Variants in DGKE observed in about 807,000 individuals in gnomAD.
DGKE encodes DAG kinase epsilon.
A neutral mutation model predicts 70.0 loss-of-function variants in DGKE; 53 were observed. The ratio of observed to expected loss-of-function variants is 0.76; its 90% CI spans 0.61 to 0.95. The LOEUF is 0.95. Among genes scored for constraint, DGKE ranks in the 40% least tolerant of loss-of-function variants. The pLI is 0.00. For missense variants in DGKE, 655 were observed against 706.9 expected, an observed-to-expected ratio of 0.93 and a Z score of 0.83; for synonymous variants, 291 against 257.0, an observed-to-expected ratio of 1.13 and a Z score of -1.27.
At chr17:56,855,878 C>T (rs1302126569) in intron 7 of DGKE, among the ~76,000 whole-genome samples, 2 of 151,618 alleles carry the variant, frequency 1.3e-5, no homozygotes, top group East Asian at 1.9e-4. Context: ...TGGTGGCGGG[C>T]GCCTGTAATC....
intron 2 of DGKE, among the ~76,000 whole-genome samples, chr17:56,839,206 T>G (rs1906814046): frequency 6.6e-6 from 1 of 152,166 alleles, no homozygotes; most frequent in South Asian, 2.1e-4. Flanking sequence ...GGAAAGAGAA[T>G]ATTGTGGGAG....
In DGKE at chr17:56,841,251, C is replaced by CAAA. The variant is rs10676152; in HGVS notation, c.465-2755_465-2753dup. Among the ~76,000 whole-genome samples the CAAA allele has an allele frequency of 6.8e-3, 916 of 134,992 alleles. 8 individuals are homozygous for CAAA. The highest frequency in any genetic ancestry group is 0.014 in the East Asian group (64 of 4,678). The allele number at this position is 134,992 out of a possible 152,430, so 88.6% of individuals were successfully genotyped here. ...TAGGCGACAGAGTGATACTCTGTCT[C>CAAA]AAAAAAAAAAAAAAATTTTTTTTAA... is the stretch of plus-strand genomic sequence containing the variant. On this transcript the variant is annotated intron_variant, in intron 2 of 11. Transcript: ENST00000284061.
intron 7 of DGKE, among the ~76,000 whole-genome samples, chr17:56,852,664 G>C (rs1294345411): frequency 1.3e-5 from 2 of 152,196 alleles, no homozygotes; most frequent in Middle Eastern, 3.4e-3. Flanking sequence ...CCTTTAAAAT[G>C]GTTCCTGTGC....
At chr17:56,837,983 A>G (rs558112249) in intron 2 of DGKE, among the ~76,000 whole-genome samples, 6 of 152,120 alleles carry the variant, frequency 3.9e-5, no homozygotes, top group Non-Finnish European at 8.8e-5. Flanking sequence ...CAACCACTAC[A>G]TCTTCTTTTT....
At position 56,868,757 on chromosome 17, in the gene DGKE, G is replaced by T. The variant is rs1908633326; in HGVS notation, c.*5966G>T. On this transcript the variant is annotated 3_prime_UTR_variant, in exon 12 of 12. Coordinates refer to ENST00000284061, the MANE Select transcript of DGKE (RefSeq NM_003647.3). ...TTAGTGTCCCAAAAAGTGGTTCTTG[G>T]TCTACAGCAGGGCAAACATATATGT... 1 of 152,190 alleles carries T rather than the reference G, an allele frequency of 6.6e-6. No individual in the cohort carries two copies. The highest frequency in any genetic ancestry group is 1.5e-5 in the Non-Finnish European group (1 of 68,048). 9.4% of individuals were successfully genotyped at this position (152,190 alleles called of 1,614,324 possible). A position where few individuals can be genotyped will look rare whatever the true frequency, so the allele number is the denominator to read the frequency against.
chr17:56,845,634 A>C, intron 3 of DGKE, 56 bp from the exon 4 acceptor site: 4 of 1,542,756 alleles, frequency 2.6e-6, no homozygotes, highest in African/African-American at 2.8e-5. Flanking sequence ...GGCATGGAAA[A>C]TGTGCTTTTC....
At position 56,835,065 on chromosome 17, in the gene DGKE, C is replaced by T. The variant is rs751180799; in HGVS notation, c.270C>T (p.Cys90=). The change falls in exon 2 of 12, where the codon TGC becomes TGT. Residue 90 remains cysteine (C), a synonymous_variant. Coordinates refer to ENST00000284061, the MANE Select transcript of DGKE (RefSeq NM_003647.3). ...TGCAGGGCGCCTTCTGCGACTGCTG[C>T]GGGCTCCGCGTGGACGAGGGCTGCC... ...HILQGAFCDC[C]GLRVDEGCLR... 3 of 1,613,230 alleles carry T rather than the reference C, an allele frequency of 1.9e-6. No homozygotes were observed. The South Asian group carries it at 3.3e-5, about 18-fold the overall frequency.
At chr17:56,862,001 C>G in intron 10 of DGKE, 83 bp downstream of exon 10, 5 of 1,538,022 alleles carry the variant, frequency 3.3e-6, no homozygotes, top group Non-Finnish European at 4.4e-6. Context: ...CATTTTTCCT[C>G]AAATTTTCTT....
rs759825918 is a variant in DGKE, at chr17:56,834,962, G to T, written c.167G>T (p.Arg56Leu). ...CAGCTGCACCGCAGGGACATCTTCC[G>T]CAAGAGCAAGCACGGGTGGCGCGAC... Reference protein sequence around the residue: ...RRQLHRRDIFRKSKHGWRDTD... With the variant: ...RRQLHRRDIFLKSKHGWRDTD... Residue 56 changes from arginine (R) to leucine (L), a missense_variant, in exon 2 of 12, where the codon CGC becomes CTC. Transcript: ENST00000284061. 1.9e-6 allele frequency: 3 copies of T among 1,613,020 alleles called. No individual in the cohort carries two copies. Among genetic ancestry groups the T allele is most frequent in the Non-Finnish European group, 2.5e-6 (3 of 1,179,970 alleles).
rs1036372311 is a variant in DGKE at position 56,865,370 on chromosome 17, T to C, written c.*2579T>C. The C allele has an allele frequency of 6.6e-6, 1 of 152,210 alleles. No homozygotes were observed. Among genetic ancestry groups the C allele is most frequent in the African/African-American group, 2.4e-5 (1 of 41,460 alleles). 9.4% of individuals were successfully genotyped at this position (152,210 alleles called of 1,614,324 possible). On this transcript the variant is annotated 3_prime_UTR_variant, in exon 12 of 12. Coordinates refer to ENST00000284061, the MANE Select transcript of DGKE (RefSeq NM_003647.3). Reference sequence around the variant, plus strand: ...TGTTTCCAGATTTCTCTAATCTTTTTACTATCCCAATACATTCCTAATTCC... The same window carrying C: ...TGTTTCCAGATTTCTCTAATCTTTTCACTATCCCAATACATTCCTAATTCC...
intron 7 of DGKE, among the ~76,000 whole-genome samples, chr17:56,854,919 C>T (rs1006603875): frequency 3.9e-5 from 6 of 152,154 alleles, no homozygotes; most frequent in African/African-American, 7.2e-5. Context: ...GGTCTGCTTA[C>T]CTCTATAGAA....
intron 2 of DGKE, among the ~76,000 whole-genome samples, chr17:56,841,475 A>G (rs1567811523): frequency 2.0e-5 from 3 of 152,192 alleles, no homozygotes; most frequent in Non-Finnish European, 4.4e-5. Context: ...AATATGGAAC[A>G]TGACTGAATT....
chr17:56,840,685 A>G (rs190663212), intron 2 of DGKE, among the ~76,000 whole-genome samples: 1 of 152,264 alleles, frequency 6.6e-6, no homozygotes, highest in Admixed American at 6.5e-5. Flanking sequence ...GCCAATACAG[A>G]GGATGGAAAA....
At chr17:56,850,791 A>C (rs1021909102) in intron 7 of DGKE, among the ~76,000 whole-genome samples, 1 of 152,228 alleles carries the variant, frequency 6.6e-6, no homozygotes, top group South Asian at 2.1e-4. Context: ...AAGTGCCTAC[A>C]CTGCAGAAAA....
intron 2 of DGKE, chr17:56,836,437 G>T (rs1906626721): frequency 6.6e-6 from 1 of 152,180 alleles, no homozygotes; most frequent in African/African-American, 2.4e-5. Flanking sequence ...AGCCAAGTTA[G>T]CAGGGACTTT....
In DGKE at chr17:56,849,181, A is replaced by G. The variant is rs1452208838; in HGVS notation, c.1047A>G (p.Arg349=). The change falls in exon 7 of 12, where the codon CGA becomes CGG. Residue 349 remains arginine, a splice_region_variant and synonymous_variant. Coordinates refer to ENST00000284061, the MANE Select transcript of DGKE (RefSeq NM_003647.3). ...VMEADGIKLD[R]WKVQVTNKGY... ...GTTTTTTTTAACTTCTGTTTTTTAGATGGAAAGTTCAAGTAACAAATAAAG... is the reference window on the plus strand; with the variant it reads ...GTTTTTTTTAACTTCTGTTTTTTAGGTGGAAAGTTCAAGTAACAAATAAAG... 9 of 1,609,752 alleles carry G rather than the reference A, an allele frequency of 5.6e-6. No individual in the cohort carries two copies. The highest frequency in any genetic ancestry group is 1.7e-5 in the Admixed American group (1 of 58,952).
intron 2 of DGKE, among the ~76,000 whole-genome samples, chr17:56,843,278 T>G (rs1021572829): frequency 9.2e-5 from 14 of 152,218 alleles, no homozygotes; most frequent in Non-Finnish European, 1.6e-4. Flanking sequence ...TTTATGAAAA[T>G]TTAGTGAGGA....
intron 7 of DGKE, among the ~76,000 whole-genome samples, chr17:56,856,177 G>T (rs987796854): frequency 7.9e-5 from 12 of 152,100 alleles, no homozygotes; most frequent in African/African-American, 2.9e-4. Flanking sequence ...GAAGCTGAGA[G>T]CTTGGAGGCT....
intron 2 of DGKE, among the ~76,000 whole-genome samples, chr17:56,837,834 G>A (rs1300585776): frequency 4.6e-5 from 7 of 152,142 alleles, no homozygotes; most frequent in Non-Finnish European, 1.0e-4. Context: ...TTTAAAGCCT[G>A]CAGAATAAGT....
Sources: gnomAD v4.1 joint callset for allele counts (sites outside exome capture counted in the v4.1 genomes callset) on GRCh38, gnomAD v4.1.1 for gene constraint, MANE v1.5 for transcripts, NCBI Gene and HGNC (gene_info 2026-07-23, HGNC 2026-07-21) for gene names.